Variants in BLTP1 observed in about 807,000 individuals in gnomAD.
BLTP1 encodes fragile site-associated protein.
chr4:122,168,210 T>C, the BLTP1 span, among the ~76,000 whole-genome samples: 8 of 152,380 alleles, frequency 5.3e-5, no homozygotes, highest in African/African-American at 1.9e-4. Context: ...TGTTTGATAC[T>C]GTAGGGTTTC....
the BLTP1 span, chr4:122,208,392 A>C: frequency 1.0e-6 from 1 of 984,994 alleles, no homozygotes; most frequent in Admixed American, 6.2e-5. Context: ...CTAGTCATCA[A>C]GATGAACAAA....
the BLTP1 span, chr4:122,221,191 T>TG: frequency 1.2e-5 from 3 of 240,238 alleles, no homozygotes; most frequent in Non-Finnish European, 2.0e-5. Context: ...GATCATTTAT[T>TG]ATGATTATAT....
the BLTP1 span, chr4:122,355,768 G>T: frequency 7.7e-6 from 12 of 1,553,150 alleles, no homozygotes; most frequent in East Asian, 1.4e-4. Context: ...GTTTTAATTT[G>T]ACTCTCTCTT....
At chr4:122,228,435 C>T in the BLTP1 span, among the ~76,000 whole-genome samples, 1 of 152,120 alleles carries the variant, frequency 6.6e-6, no homozygotes. Flanking sequence ...TCCATTCTGT[C>T]ACTTCAGTTT....
the BLTP1 span, among the ~76,000 whole-genome samples, chr4:122,315,196 T>G: frequency 5.3e-5 from 8 of 152,140 alleles, no homozygotes; most frequent in African/African-American, 1.9e-4. Flanking sequence ...GTCATGGCAA[T>G]TCCTACTGTA....
chr4:122,333,558 A>G, the BLTP1 span: 1 of 1,470,662 alleles, frequency 6.8e-7, no homozygotes, highest in East Asian at 2.5e-5. Context: ...TAGGTTGCGA[A>G]AAGTTTGCTT....
At chr4:122,156,987 G>C in the BLTP1 span, among the ~76,000 whole-genome samples, 2 of 152,196 alleles carry the variant, frequency 1.3e-5, no homozygotes, top group East Asian at 3.9e-4. Flanking sequence ...ATGGTAGAAA[G>C]AGGAAATGGT....
At chr4:122,240,439 CT>C in the BLTP1 span, 1 of 1,143,630 alleles carries the variant, frequency 8.7e-7, no homozygotes, top group Non-Finnish European at 1.2e-6. Context: ...TACTCTCATT[CT>C]TTTTAGCTAC....
chr4:122,199,982 A>G, the BLTP1 span: 15 of 972,646 alleles, frequency 1.5e-5, no homozygotes, highest in Middle Eastern at 5.3e-4. Flanking sequence ...GATTATTATT[A>G]TTATTACTAT....
the BLTP1 span, chr4:122,204,986 A>G: frequency 1.5e-4 from 24 of 159,408 alleles, no homozygotes; most frequent in Admixed American, 7.9e-4. Flanking sequence ...GTAAAACTCT[A>G]TATCTCATTA....
the BLTP1 span, chr4:122,195,801 G>A: frequency 3.6e-6 from 1 of 280,236 alleles, no homozygotes; most frequent in South Asian, 1.4e-4. Flanking sequence ...GCAAGTTAAA[G>A]TCTGTGAGAC....
chr4:122,325,091 AG>A, the BLTP1 span: 2 of 793,790 alleles, frequency 2.5e-6, no homozygotes, highest in African/African-American at 3.6e-5. Flanking sequence ...GGGATGCTAA[AG>A]GTTAAGAGAA....
At chr4:122,218,658 A>G in the BLTP1 span, among the ~76,000 whole-genome samples, 1 of 151,044 alleles carries the variant, frequency 6.6e-6, no homozygotes, top group African/African-American at 2.4e-5. Flanking sequence ...TACTACTGAG[A>G]GATCAAATGG....
chr4:122,325,832 C>G, the BLTP1 span: 1 of 831,346 alleles, frequency 1.2e-6, no homozygotes, highest in Non-Finnish European at 1.6e-6. Flanking sequence ...TTTTTTTTTA[C>G]TTTTCTCATT....
chr4:122,245,085 A>G, the BLTP1 span: 2 of 1,611,996 alleles, frequency 1.2e-6, no homozygotes, highest in Non-Finnish European at 8.5e-7. Context: ...GATGATCTTC[A>G]TGCTAAAGTC....
chr4:122,185,888 G>T, the BLTP1 span: 1 of 552,106 alleles, frequency 1.8e-6, no homozygotes, highest in East Asian at 3.6e-5. Flanking sequence ...CCAGTGTTTT[G>T]TATTTATTTT....
the BLTP1 span, among the ~76,000 whole-genome samples, chr4:122,215,837 C>A: frequency 8.0e-5 from 12 of 150,704 alleles, no homozygotes; most frequent in East Asian, 1.9e-4. Flanking sequence ...ATCCCTCACC[C>A]CCCCCATCCT....
chr4:122,172,677 C>T, the BLTP1 span, among the ~76,000 whole-genome samples: 21 of 152,068 alleles, frequency 1.4e-4, no homozygotes, highest in African/African-American at 5.1e-4. Flanking sequence ...CAGGAAATAA[C>T]TTGGGAATGA....
the BLTP1 span, among the ~76,000 whole-genome samples, chr4:122,245,308 T>C: frequency 2.0e-5 from 3 of 152,150 alleles, no homozygotes; most frequent in Non-Finnish European, 4.4e-5. Context: ...ATAACTGTAC[T>C]ATAGATGGAA....
Sources: gnomAD v4.1 joint callset for allele counts (sites outside exome capture counted in the v4.1 genomes callset) on GRCh38, gnomAD v4.1.1 for gene constraint, MANE v1.5 for transcripts, NCBI Gene and HGNC (gene_info 2026-07-23, HGNC 2026-07-21) for gene names.